The following PTPRN2 variants were observed in gnomAD, a reference collection of about 807,000 sequenced individuals.
PTPRN2 encodes receptor-type tyrosine-protein phosphatase N2.
Under a neutral mutation model 118.8 loss-of-function variants are expected in PTPRN2, and 74 were observed. The ratio of observed to expected loss-of-function variants is 0.62; its 90% CI spans 0.52 to 0.76. The LOEUF (loss-of-function observed/expected upper bound fraction) is 0.76, where lower values mean the gene tolerates loss of function less well. Among genes scored for constraint, PTPRN2 ranks in the 30% least tolerant of loss-of-function variants. The pLI is 0.00. For synonymous variants in PTPRN2, 641 were observed against 608.0 expected (o/e 1.05, Z -0.80); for missense variants, 1,481 against 1,394.4 (o/e 1.06, Z -0.99).
intron 3 of PTPRN2, among the ~76,000 whole-genome samples, chr7:158,283,149 T>C (rs1196533072): frequency 4.6e-5 from 7 of 152,104 alleles, no homozygotes; most frequent in Admixed American, 3.9e-4. Context: ...ACAACACGCA[T>C]GAAAAAAAAC....
At chr7:157,759,275 T>C (rs951818040) in intron 12 of PTPRN2, among the ~76,000 whole-genome samples, 1 of 152,216 alleles carries the variant, frequency 6.6e-6, no homozygotes, top group Non-Finnish European at 1.5e-5. Flanking sequence ...TGCAGCACCG[T>C]GTCCACCATG....
intron 12 of PTPRN2, among the ~76,000 whole-genome samples, chr7:157,884,203 C>T (rs1025599769): frequency 3.9e-5 from 6 of 152,236 alleles, no homozygotes; most frequent in Non-Finnish European, 8.8e-5. Flanking sequence ...CCAAAAATGA[C>T]TGTCAGAGAC....
intron 5 of PTPRN2, among the ~76,000 whole-genome samples, chr7:158,187,410 C>G (rs536303739): frequency 2.5e-4 from 38 of 152,162 alleles, no homozygotes; most frequent in African/African-American, 8.7e-4. Flanking sequence ...CTTAAATTTC[C>G]AATTAAAATA....
chr7:158,262,668 GCACATTCACACATACA>G (rs1032379586), intron 3 of PTPRN2, among the ~76,000 whole-genome samples: 108 of 128,480 alleles, frequency 8.4e-4, no homozygotes, highest in Non-Finnish European at 1.5e-3. Flanking sequence ...CACACTGCAC[GCACATTCACACATACA>G]CACATTCACA....
chr7:158,199,284 G>A (rs199504102), intron 4 of PTPRN2, among the ~76,000 whole-genome samples: 1 of 152,282 alleles, frequency 6.6e-6, no homozygotes, highest in East Asian at 1.9e-4. Flanking sequence ...TCAGGTTCCT[G>A]GTGACCCCTT....
At chr7:157,698,097 ATT>A (rs1263134372) in intron 12 of PTPRN2, among the ~76,000 whole-genome samples, 4 of 152,390 alleles carry the variant, frequency 2.6e-5, no homozygotes, top group African/African-American at 9.6e-5. Flanking sequence ...TTAAGATAAG[ATT>A]TTGCCACATT....
chr7:157,598,426 T>G lies in PTPRN2; in HGVS notation c.2419-3111A>C, dbSNP rs1801473423. ...GCTCAGGGAGTGAGGAGCTTGGACGTCGGCGTCTCCGGGCCTCAGTCTCCA... is the reference window on the plus strand; with the variant it reads ...GCTCAGGGAGTGAGGAGCTTGGACGGCGGCGTCTCCGGGCCTCAGTCTCCA... On this transcript the variant is annotated intron_variant, in intron 16 of 22. Coordinates refer to ENST00000389418, the MANE Select transcript of PTPRN2 (RefSeq NM_002847.5). This position sits in a 1 kb window ranked among gnomAD's most constrained non-coding sequence, Gnocchi z 5.2. 1.4e-5 allele frequency among the ~76,000 whole-genome samples: 2 copies of G among 141,946 alleles called. No individual in the cohort carries two copies. Among genetic ancestry groups the G allele is most frequent in the Non-Finnish European group, 3.0e-5 (2 of 65,854 alleles). 93.1% of individuals were successfully genotyped at this position (141,946 alleles called of 152,430 possible).
chr7:157,879,869 T>C (rs1301795172), intron 12 of PTPRN2, among the ~76,000 whole-genome samples: 1 of 148,448 alleles, frequency 6.7e-6, no homozygotes, highest in Non-Finnish European at 1.5e-5. Flanking sequence ...AGAGCTTCAA[T>C]AGCCCCTTGA....
intron 3 of PTPRN2, among the ~76,000 whole-genome samples, chr7:158,275,162 G>A (rs941568386): frequency 2.0e-5 from 3 of 152,222 alleles, no homozygotes; most frequent in African/African-American, 4.8e-5. Flanking sequence ...GGCCAAGCCT[G>A]GACCAGCCTC....
chr7:158,483,153 T>G (rs1230074801), intron 2 of PTPRN2, among the ~76,000 whole-genome samples: 1 of 152,254 alleles, frequency 6.6e-6, no homozygotes, highest in Non-Finnish European at 1.5e-5. Flanking sequence ...TCTTCATTTC[T>G]GAAGGCTCCC....
intron 6 of PTPRN2, among the ~76,000 whole-genome samples, chr7:158,145,029 T>C (rs946089378): frequency 6.8e-6 from 1 of 146,666 alleles, no homozygotes; most frequent in Non-Finnish European, 1.5e-5. Flanking sequence ...GCGAGAAGGT[T>C]CCAGAATACC....
At chr7:157,872,654 G>A (rs1303979704) in intron 12 of PTPRN2, among the ~76,000 whole-genome samples, 2 of 152,264 alleles carry the variant, frequency 1.3e-5, no homozygotes, top group Admixed American at 6.5e-5. Context: ...AGCACTGAGA[G>A]GCGCTCTTGC....
intron 3 of PTPRN2, among the ~76,000 whole-genome samples, chr7:158,284,117 A>G (rs189174608): frequency 9.5e-4 from 145 of 152,332 alleles, no homozygotes; most frequent in African/African-American, 3.2e-3. Context: ...GCGTTTACAC[A>G]CACACTTGTT....
At chr7:157,581,058 C>T (rs1330473218) in intron 17 of PTPRN2, among the ~76,000 whole-genome samples, 2 of 143,960 alleles carry the variant, frequency 1.4e-5, no homozygotes, top group African/African-American at 2.6e-5. Context: ...ACACCCCCTG[C>T]ACACCCCAGC....
chr7:157,900,861 A>T (rs1398106445), intron 11 of PTPRN2, among the ~76,000 whole-genome samples: 1 of 152,204 alleles, frequency 6.6e-6, no homozygotes. Context: ...AGTTGACTTT[A>T]GTGCTCATGT....
chr7:157,574,150 G>GT (rs772636478), intron 19 of PTPRN2, among the ~76,000 whole-genome samples: 43 of 152,284 alleles, frequency 2.8e-4, no homozygotes, highest in Non-Finnish European at 5.0e-4. Context: ...GTCTCCAACA[G>GT]TAAGAAAAGT....
intron 12 of PTPRN2, among the ~76,000 whole-genome samples, chr7:157,835,630 C>G (rs181761379): frequency 1.3e-5 from 2 of 152,066 alleles, no homozygotes; most frequent in African/African-American, 2.4e-5. Context: ...GCTCTCAGGG[C>G]GCTCGGGAGG....
intron 2 of PTPRN2, among the ~76,000 whole-genome samples, chr7:158,345,589 G>T (rs6950244): frequency 6.6e-6 from 1 of 152,158 alleles, no homozygotes; most frequent in Non-Finnish European, 1.5e-5. Flanking sequence ...TGGCAGCAGT[G>T]GTCACCCAGA....
Position 158,478,167 on chromosome 7 carries a change from C to T in PTPRN2, c.163+11568G>A, listed in dbSNP as rs143689622. ...GGGTCATCACACAGCACGGGAGCCG[C>T]GGCCCCAGGTGCTGCTTGAATGAAG... On this transcript the variant is annotated intron_variant, in intron 2 of 22. Transcript: ENST00000389418. Among the ~76,000 whole-genome samples, 1,387 of 152,330 alleles carry T rather than the reference C, an allele frequency of 9.1e-3. 17 individuals are homozygous for T. Among genetic ancestry groups the T allele is most frequent in the African/African-American group, 0.032 (1,310 of 41,572 alleles).
Sources: gnomAD v4.1 joint callset for allele counts (sites outside exome capture counted in the v4.1 genomes callset) on GRCh38, gnomAD v4.1.1 for gene constraint, Gnocchi (gnomAD v3.1) non-coding constraint, MANE v1.5 for transcripts, NCBI Gene and HGNC (gene_info 2026-07-23, HGNC 2026-07-21) for gene names.